ERBB4: variants seen among roughly 807,000 people sequenced by gnomAD.
The protein encoded by ERBB4 is erb-b2 receptor tyrosine kinase 4.
A neutral mutation model predicts 158.0 loss-of-function variants in ERBB4; 42 were observed. The ratio of observed to expected loss-of-function variants is 0.27; its 90% confidence interval spans 0.21 to 0.34. The LOEUF is 0.34. ERBB4 is among the 10% of genes least tolerant of loss of function. The pLI is 1.00. For missense variants in ERBB4, 1,333 were observed against 1,624.1 expected (o/e 0.82, Z 3.08); for synonymous variants, 583 against 558.7 (o/e 1.04, Z -0.61).
chr2:211,698,904 C>G (rs1255735780), intron 12 of ERBB4, among the ~76,000 whole-genome samples: 3 of 152,198 alleles, frequency 2.0e-5, no homozygotes, highest in African/African-American at 7.2e-5. Flanking sequence ...AATATTCTAG[C>G]TTTTCATGTC....
chr2:212,493,326 T>C (rs1041615166), intron 1 of ERBB4, among the ~76,000 whole-genome samples: 2 of 151,504 alleles, frequency 1.3e-5, no homozygotes, highest in African/African-American at 4.8e-5. Flanking sequence ...TTATTAATAT[T>C]TAATGCAAAG....
intron 20 of ERBB4, among the ~76,000 whole-genome samples, chr2:211,448,424 G>C (rs2064164026): frequency 6.6e-6 from 1 of 151,724 alleles, no homozygotes; most frequent in Non-Finnish European, 1.5e-5. Context: ...ATTTTTTAAA[G>C]ATGACAAGGA....
intron 19 of ERBB4, among the ~76,000 whole-genome samples, chr2:211,563,100 A>G (rs1003902297): frequency 6.6e-6 from 1 of 152,176 alleles, no homozygotes; most frequent in African/African-American, 2.4e-5. Flanking sequence ...CAGAATCATA[A>G]AGGCACCACT....
intron 20 of ERBB4, among the ~76,000 whole-genome samples, chr2:211,463,573 C>T (rs570264455): frequency 8.5e-5 from 13 of 152,192 alleles, no homozygotes; most frequent in Non-Finnish European, 1.3e-4. Context: ...ATAGGTCAGG[C>T]GGTACTTCAC....
intron 2 of ERBB4, among the ~76,000 whole-genome samples, chr2:212,124,396 A>G (rs2079854299): frequency 1.3e-5 from 2 of 152,180 alleles, no homozygotes; most frequent in South Asian, 4.1e-4. Context: ...AAAGAGGCAG[A>G]AATGGAGACG....
intron 20 of ERBB4, among the ~76,000 whole-genome samples, chr2:211,537,174 G>C (rs1390064427): frequency 6.6e-6 from 1 of 151,762 alleles, no homozygotes; most frequent in Non-Finnish European, 1.5e-5. Context: ...TGTTTACTAA[G>C]AGCATTCTCA....
chr2:212,302,056 G>C (rs1207527798), intron 1 of ERBB4, among the ~76,000 whole-genome samples: 2 of 151,374 alleles, frequency 1.3e-5, no homozygotes, highest in African/African-American at 4.8e-5. Flanking sequence ...ATTAGCTAAT[G>C]TGGGGTAGTT....
chr2:211,946,137 G>T (rs185605522), intron 3 of ERBB4, among the ~76,000 whole-genome samples: 1 of 152,094 alleles, frequency 6.6e-6, no homozygotes, highest in East Asian at 1.9e-4. Context: ...AAATGTTGAT[G>T]AAGGAATCTA....
intron 3 of ERBB4, among the ~76,000 whole-genome samples, chr2:211,838,122 C>CTGG (rs1041102238): frequency 1.3e-5 from 2 of 152,138 alleles, no homozygotes; most frequent in African/African-American, 4.8e-5. Context: ...AACAGCAGAG[C>CTGG]TGGTGTCACC....
intron 19 of ERBB4, among the ~76,000 whole-genome samples, chr2:211,616,064 A>G (rs760165203): frequency 6.6e-6 from 1 of 152,090 alleles, no homozygotes; most frequent in African/African-American, 2.4e-5. Context: ...CCATAGTGTT[A>G]TACCAGATGA....
chr2:212,234,569 A>G (rs2083785868), intron 1 of ERBB4, among the ~76,000 whole-genome samples: 1 of 152,124 alleles, frequency 6.6e-6, no homozygotes, highest in South Asian at 2.1e-4. Flanking sequence ...TTGACTTCCA[A>G]AATGGTTGAA....
rs762661533 is a variant in ERBB4, at chr2:211,384,021, C to T, written c.3521G>A (p.Arg1174Gln). 1.9e-5 allele frequency: 31 copies of T among 1,613,452 alleles called. No homozygotes were observed. Among genetic ancestry groups the T allele is most frequent in the East Asian group, 8.9e-5 (4 of 44,864 alleles). Residue 1174 changes from arginine (R) to glutamine (Q), a missense_variant, in exon 28 of 28, where the codon CGG (arginine) becomes CAG (glutamine). Around this residue, in one of 5 missense-constraint regions of ERBB4, gnomAD observed 252 missense variants for 241.3 expected, o/e 1.04. Coordinates refer to ENST00000342788, the MANE Select transcript of ERBB4 (RefSeq NM_005235.3). ...TGCTTGAAGGTCTCCATTTTTTCTC[C>T]GAGAAACAAAAGGGTTCTCCTCCAC... ...NPVEENPFVS[R>Q]RKNGDLQALD...
intron 4 of ERBB4, among the ~76,000 whole-genome samples, chr2:211,759,684 A>C (rs1372278495): frequency 3.3e-5 from 5 of 152,118 alleles, no homozygotes; most frequent in Non-Finnish European, 5.9e-5. Context: ...CAAACATTCC[A>C]GATAGATTTA....
intron 3 of ERBB4, among the ~76,000 whole-genome samples, chr2:211,933,679 T>G (rs1238761280): frequency 1.3e-5 from 2 of 152,014 alleles, no homozygotes; most frequent in African/African-American, 2.4e-5. Context: ...GAAAAAGGAC[T>G]CGACTAACAG....
At chr2:211,927,516 G>T (rs1381470094) in intron 3 of ERBB4, among the ~76,000 whole-genome samples, 1 of 152,026 alleles carries the variant, frequency 6.6e-6, no homozygotes, top group Non-Finnish European at 1.5e-5. Context: ...CAATGAGAAG[G>T]TTTCATCTGC....
At chr2:211,707,386 G>A (rs2073488983) in intron 9 of ERBB4, among the ~76,000 whole-genome samples, 2 of 152,136 alleles carry the variant, frequency 1.3e-5, no homozygotes, top group Admixed American at 1.3e-4. Flanking sequence ...TAAATTCGGA[G>A]CCATGCAAAA....
intron 4 of ERBB4, among the ~76,000 whole-genome samples, chr2:211,751,486 T>A (rs1004306548): frequency 3.3e-5 from 5 of 152,176 alleles, no homozygotes; most frequent in African/African-American, 1.2e-4. Context: ...ACATGACACA[T>A]TTTTAGAATA....
chr2:212,518,079 C>T (rs1691941731), intron 1 of ERBB4, among the ~76,000 whole-genome samples: 1 of 151,994 alleles, frequency 6.6e-6, no homozygotes, highest in Non-Finnish European at 1.5e-5. Context: ...TCATTGTTCT[C>T]AACTACAAGA....
intron 1 of ERBB4, among the ~76,000 whole-genome samples, chr2:212,467,027 G>A (rs1235645991): frequency 6.6e-6 from 1 of 152,144 alleles, no homozygotes; most frequent in Non-Finnish European, 1.5e-5. Flanking sequence ...CTAGAGATTT[G>A]TGGAACTTTG....
Sources: allele counts gnomAD v4.1 joint callset (sites outside exome capture counted in the v4.1 genomes callset), GRCh38; gene constraint gnomAD v4.1.1; regional missense constraint gnomAD v4.1.1; transcripts MANE v1.5; gene names NCBI Gene and HGNC (gene_info 2026-07-23, HGNC 2026-07-21).